The following SP140 variants were observed in gnomAD, a reference collection of about 807,000 sequenced individuals.
SP140 encodes the protein SP140 nuclear body protein, also known as nuclear body protein SP140.
SP140 carries 81 observed loss-of-function variants against 125.0 expected under a neutral mutation model. The observed-to-expected ratio is 0.65, with a 90% confidence interval of 0.54 to 0.78. The LOEUF (loss-of-function observed/expected upper bound fraction) is 0.78, where lower values mean the gene tolerates loss of function less well. Ranked by LOEUF, SP140 falls within the 30% of genes least tolerant of loss-of-function variation. SP140 has a pLI of 0.00. For missense variants in SP140, 858 were observed against 1,037.0 expected (o/e 0.83, Z 2.37); for synonymous variants, 312 against 354.0 (o/e 0.88, Z 1.33).
chr2:230,253,069 A>G (rs748599147), intron 10 of SP140, among the ~76,000 whole-genome samples: 2 of 152,190 alleles, frequency 1.3e-5, no homozygotes, highest in African/African-American at 2.4e-5. Flanking sequence ...AAAGACATAG[A>G]AACAGGAGGC....
intron 1 of SP140, among the ~76,000 whole-genome samples, chr2:230,208,692 CAGTA>C: frequency 6.6e-6 from 1 of 152,142 alleles, no homozygotes; most frequent in South Asian, 2.1e-4. Context: ...CATTGTCACA[CAGTA>C]AGGAGAGATG....
intron 6 of SP140, 121 bp downstream of exon 6, chr2:230,245,201 G>T (rs1458666641): frequency 6.1e-6 from 4 of 655,238 alleles, no homozygotes; most frequent in Non-Finnish European, 7.9e-6. Context: ...GCCTGTGGTT[G>T]TTTTCCCCAG....
chr2:230,301,244 G>A (rs746178414), intron 22 of SP140, among the ~76,000 whole-genome samples: 1 of 152,178 alleles, frequency 6.6e-6, no homozygotes, highest in Non-Finnish European at 1.5e-5. Flanking sequence ...AGAAAATGTT[G>A]CTGGCCTTTC....
chr2:230,196,990 C>G, the SP140 span, among the ~76,000 whole-genome samples: 1 of 152,094 alleles, frequency 6.6e-6, no homozygotes. Flanking sequence ...GTGAATAGTG[C>G]CACAATAAAC....
downstream of SP140, among the ~76,000 whole-genome samples, chr2:230,313,500 C>T (rs558853095): frequency 5.3e-5 from 8 of 152,294 alleles, no homozygotes; most frequent in South Asian, 2.1e-4. Context: ...GTATGGTGTG[C>T]GGCTACTCTG....
chr2:230,307,806 C>G (rs1389521710), intron 22 of SP140, among the ~76,000 whole-genome samples: 1 of 151,830 alleles, frequency 6.6e-6, no homozygotes, highest in South Asian at 2.1e-4. Flanking sequence ...TGGAAGGAGC[C>G]CAGTGGGCCT....
intron 12 of SP140, among the ~76,000 whole-genome samples, chr2:230,257,006 C>T (rs554640499): frequency 8.5e-5 from 13 of 152,154 alleles, no homozygotes; most frequent in African/African-American, 2.4e-4. Flanking sequence ...GCATGTGACA[C>T]GGGTGTTTGA....
chr2:230,228,286 G>T (rs2046745886), intron 1 of SP140, among the ~76,000 whole-genome samples: 1 of 152,104 alleles, frequency 6.6e-6, no homozygotes, highest in South Asian at 2.1e-4. Flanking sequence ...AATTTGTTAA[G>T]GTATGTTTTA....
chr2:230,297,486 A>AC, intron 22 of SP140, 24 bp downstream of exon 22: 2 of 1,612,102 alleles, frequency 1.2e-6, no homozygotes, highest in Non-Finnish European at 1.7e-6. Flanking sequence ...CTGAACTACG[A>AC]CCCCCAGAAT....
intron 3 of SP140, chr2:230,216,972 G>A (rs184891013): frequency 5.8e-5 from 92 of 1,579,928 alleles, no homozygotes; most frequent in Admixed American, 3.2e-4. Context: ...AAGGCTGGGC[G>A]CGGTGGCTCA....
chr2:230,203,854 G>C (rs780525043), intron 1 of SP140, among the ~76,000 whole-genome samples: 44 of 152,166 alleles, frequency 2.9e-4, no homozygotes, highest in Admixed American at 5.9e-4. Context: ...GAGGAATGGG[G>C]AGTTGTTTAA....
chr2:230,214,353 G>A (rs182828509), intron 3 of SP140, among the ~76,000 whole-genome samples: 87 of 152,018 alleles, frequency 5.7e-4, no homozygotes, highest in Admixed American at 1.0e-3. Flanking sequence ...GTCCTTGTCC[G>A]GACTAGTGGT....
chr2:230,241,299 G>T lies in SP140; in HGVS notation c.407-105G>T, dbSNP rs1183470840. On this transcript the variant is annotated intron_variant, in intron 3 of 26. Coordinates refer to ENST00000392045, the MANE Select transcript of SP140 (RefSeq NM_007237.5). Reference sequence around the variant, plus strand: ...GGAACAAGGCTCTGTTGGACCTCGGGGGTGGGAGATCCTGGGGCTTGGACA... The same window carrying T: ...GGAACAAGGCTCTGTTGGACCTCGGTGGTGGGAGATCCTGGGGCTTGGACA... 1.2e-5 allele frequency: 9 copies of T among 732,766 alleles called. No homozygotes were observed. The Admixed American group carries it at 1.5e-4, about 12-fold the overall frequency. 45.4% of individuals were successfully genotyped at this position (732,766 alleles called of 1,614,324 possible).
At chr2:230,298,900 G>C (rs1334410979) in intron 22 of SP140, among the ~76,000 whole-genome samples, 6 of 152,206 alleles carry the variant, frequency 3.9e-5, no homozygotes, top group African/African-American at 1.4e-4. Context: ...AAGAATACCA[G>C]TGCCTGTGCC....
rs367938046 is a variant in SP140 at position 230,243,764 on chromosome 2, T to C, written c.524T>C (p.Ile175Thr). The C allele has an allele frequency of 8.7e-6, 14 of 1,613,052 alleles. No homozygotes were observed. Among genetic ancestry groups the C allele is most frequent in the East Asian group, 2.2e-5 (1 of 44,890 alleles). The change falls in exon 5 of 27, where the codon ATA becomes ACA. Residue 175 changes from isoleucine to threonine, a missense_variant. By Grantham distance (89) the Ile-to-Thr change is moderately conservative. Around this residue, in one of 4 missense-constraint regions of SP140, gnomAD observed 791 missense variants for 869.5 expected, o/e 0.91. Transcript: ENST00000392045. ...NSNACHEMDD[I>T]AVPQEALSSS... is the part of the protein sequence containing the mutation. ...AATGCCTGTCATGAAATGGATGATA[T>C]AGCAGTGCCTCAGGAAGCCTTGAGC... is the stretch of plus-strand genomic sequence containing the variant.
chr2:230,252,153 A>G (rs138683505), intron 10 of SP140, among the ~76,000 whole-genome samples: 12 of 152,064 alleles, frequency 7.9e-5, no homozygotes, highest in Admixed American at 2.0e-4. Context: ...AATATAATCC[A>G]TGATACGAGA....
rs114446329 is a variant in SP140 at position 230,211,827 on chromosome 2, C to T, written c.-322-1827C>T. 4.5e-3 allele frequency among the ~76,000 whole-genome samples: 684 copies of T among 152,104 alleles called. 3 individuals carry two copies. Among genetic ancestry groups the T allele is most frequent in the Non-Finnish European group, 7.7e-3 (521 of 67,970 alleles). ...CAATATTATTTGGATCGAAGAGGAC[C>T]CCTCTTCTCAGTACTGGAGAGCTCA... is the stretch of plus-strand genomic sequence containing the variant. On this transcript the variant is annotated intron_variant, in intron 1 of 4. Transcript: ENST00000456542. The surrounding 1 kb of genome is among the most constrained non-coding windows in gnomAD (Gnocchi z 4.2).
chr2:230,222,091 G>A (rs10187268), upstream of SP140, among the ~76,000 whole-genome samples: 1,785 of 152,234 alleles, frequency 0.012, 33 homozygotes, highest in African/African-American at 0.04. Flanking sequence ...TTAGCTGGGC[G>A]TGGTGGCACA....
chr2:230,256,898 T>C (rs1284961033), intron 12 of SP140, among the ~76,000 whole-genome samples: 5 of 152,188 alleles, frequency 3.3e-5, no homozygotes, highest in Non-Finnish European at 7.3e-5. Flanking sequence ...TTTTTCAGAG[T>C]ACTCTGATAG....
Sources: gnomAD v4.1 joint callset for allele counts (sites outside exome capture counted in the v4.1 genomes callset) on GRCh38, gnomAD v4.1.1 for gene constraint, gnomAD v4.1.1 regional missense constraint, Gnocchi (gnomAD v3.1) non-coding constraint, MANE v1.5 for transcripts, NCBI Gene and HGNC (gene_info 2026-07-23, HGNC 2026-07-21) for gene names.